The following UGT1A9 variants were observed in gnomAD, a reference collection of about 807,000 sequenced individuals.
UGT1A9 encodes the protein UDP glucuronosyltransferase family 1 member A9, also known as UDP-glucuronosyltransferase 1A9.
UGT1A9 carries 35 observed loss-of-function variants against 45.0 expected under a neutral mutation model. That is an observed-to-expected ratio of 0.78 (90% CI 0.59 to 1.03). UGT1A9 has a LOEUF of 1.03. UGT1A9 is among the 50% of genes least tolerant of loss of function. The pLI is 0.00. For missense variants in UGT1A9, 687 were observed against 666.6 expected (o/e 1.03, Z -0.34); for synonymous variants, 278 against 250.6 (o/e 1.11, Z -1.03).
At chr2:233,690,727 C>T (rs1230785523) in intron 1 of UGT1A9, 1 of 1,211,686 alleles carries the variant, frequency 8.3e-7, no homozygotes, top group South Asian at 1.5e-5. Context: ...AACAGACATG[C>T]CAGATTCCTC....
intron 1 of UGT1A9, among the ~76,000 whole-genome samples, chr2:233,676,585 T>C (rs2074365704): frequency 6.6e-6 from 1 of 152,214 alleles, no homozygotes. Context: ...ACCTGAAATG[T>C]AGTCATCATG....
At chr2:233,701,237 T>C (rs968886679) in intron 1 of UGT1A9, among the ~76,000 whole-genome samples, 1 of 152,184 alleles carries the variant, frequency 6.6e-6, no homozygotes, top group Admixed American at 6.5e-5. Context: ...ATATACCCAG[T>C]AATGAGATGG....
chr2:233,752,046 G>A (rs1694879405), intron 1 of UGT1A9, among the ~76,000 whole-genome samples: 1 of 152,240 alleles, frequency 6.6e-6, no homozygotes, highest in African/African-American at 2.4e-5. Flanking sequence ...AAGCTGTTGT[G>A]TGAATGATTT....
chr2:233,675,475 T>G (rs924736975), intron 1 of UGT1A9, among the ~76,000 whole-genome samples: 1 of 152,150 alleles, frequency 6.6e-6, no homozygotes, highest in Non-Finnish European at 1.5e-5. Flanking sequence ...CCATGGCAGG[T>G]GCGGCTCTGG....
intron 1 of UGT1A9, chr2:233,692,956 T>G: frequency 6.2e-7 from 1 of 1,606,972 alleles, no homozygotes; most frequent in South Asian, 1.1e-5. Flanking sequence ...CCCTGTGATT[T>G]GGAGAGTGAA....
intron 1 of UGT1A9, chr2:233,719,118 T>C (rs1175236836): frequency 6.2e-7 from 1 of 1,614,062 alleles, no homozygotes; most frequent in East Asian, 2.2e-5. Flanking sequence ...CACTCAAGGG[T>C]TCTTTGAAAC....
intron 1 of UGT1A9, 29 bp from the exon 2 acceptor site, chr2:233,767,005 T>C: frequency 6.2e-7 from 1 of 1,613,726 alleles, no homozygotes; most frequent in African/African-American, 1.3e-5. Flanking sequence ...TGAGAAAAAA[T>C]TAACTGAAAA....
chr2:233,687,969 G>T (rs2074872231), intron 1 of UGT1A9, among the ~76,000 whole-genome samples: 1 of 152,200 alleles, frequency 6.6e-6, no homozygotes, highest in Non-Finnish European at 1.5e-5. Context: ...TGTAATTCAT[G>T]TATCGTAAAA....
intron 1 of UGT1A9, chr2:233,755,811 GA>G (rs2125938248): frequency 6.6e-6 from 1 of 152,252 alleles, no homozygotes; most frequent in East Asian, 1.9e-4. Flanking sequence ...GATTAAAACA[GA>G]ATTAAAAAGA....
chr2:233,691,173 G>C, intron 1 of UGT1A9: 1 of 985,646 alleles, frequency 1.0e-6, no homozygotes, highest in Non-Finnish European at 1.2e-6. Context: ...CCTAATGTCT[G>C]CCTGCTCAAG....
chr2:233,713,138 G>C (rs753871977), intron 1 of UGT1A9: 1 of 1,614,080 alleles, frequency 6.2e-7, no homozygotes, highest in African/African-American at 1.3e-5. Flanking sequence ...AGGCCTTGCG[G>C]GACCTCCATG....
chr2:233,743,747 G>C (rs370175895), intron 1 of UGT1A9: 65 of 1,367,344 alleles, frequency 4.8e-5, no homozygotes, highest in Non-Finnish European at 6.4e-5. Flanking sequence ...CTTGGCGTCC[G>C]ACAACACCTC....
At chr2:233,757,537 T>TAAATATACATATAC (rs1696591664) in intron 1 of UGT1A9, among the ~76,000 whole-genome samples, 2 of 107,778 alleles carry the variant, frequency 1.9e-5, no homozygotes, top group African/African-American at 9.3e-5. Context: ...CTGTAAGGAA[T>TAAATATACATATAC]ATATATATAT....
intron 1 of UGT1A9, chr2:233,691,866 A>G (rs45464992): frequency 3.3e-3 from 526 of 157,150 alleles, no homozygotes; most frequent in Non-Finnish European, 5.4e-3. Context: ...TATAATAAGA[A>G]ATATATGTTT....
chr2:233,715,559 C>T (rs1347075985), intron 1 of UGT1A9, among the ~76,000 whole-genome samples: 1 of 152,016 alleles, frequency 6.6e-6, no homozygotes, highest in South Asian at 2.1e-4. Context: ...ATTGCTTGAG[C>T]CCAGGAGTCT....
rs187532847 is a variant in UGT1A9, at chr2:233,687,638, C to A, written c.855+14849C>A. On this transcript the variant is annotated intron_variant, in intron 1 of 4. Transcript: ENST00000354728. ...GAAAAAAAGGCTGAGTGTGGTGGCT[C>A]ACACATGTAATCACAGCACTTTAGG... Among the ~76,000 whole-genome samples, 42 of 150,198 alleles carry A rather than the reference C, an allele frequency of 2.8e-4. 1 individual carries two copies. The highest frequency in any genetic ancestry group is 2.7e-4 in the Admixed American group (4 of 15,044).
intron 1 of UGT1A9, among the ~76,000 whole-genome samples, chr2:233,701,083 T>C (rs896645413): frequency 6.6e-6 from 1 of 152,162 alleles, no homozygotes; most frequent in Non-Finnish European, 1.5e-5. Context: ...TATTCCATGG[T>C]GTATATGTGC....
At chr2:233,741,469 A>T (rs1331222239) in intron 1 of UGT1A9, 1 of 151,940 alleles carries the variant, frequency 6.6e-6, no homozygotes, top group African/African-American at 2.4e-5. Context: ...CACACATGTA[A>T]GTTCCCTCGT....
intron 1 of UGT1A9, 106 bp from the exon 2 acceptor site, chr2:233,766,928 C>T (rs1699282359): frequency 1.3e-6 from 2 of 1,578,030 alleles, no homozygotes; most frequent in East Asian, 4.5e-5. Flanking sequence ...ACACGCATGC[C>T]TTTAATCATA....
Sources: allele counts gnomAD v4.1 joint callset (sites outside exome capture counted in the v4.1 genomes callset), GRCh38; gene constraint gnomAD v4.1.1; transcripts MANE v1.5; gene names NCBI Gene and HGNC (gene_info 2026-07-23, HGNC 2026-07-21).